Variants in RASGRF2 observed in about 807,000 individuals in gnomAD.
The protein encoded by RASGRF2 is Ras protein specific guanine nucleotide releasing factor 2.
RASGRF2 carries 76 observed loss-of-function variants against 151.0 expected under a neutral mutation model. The observed-to-expected ratio is 0.50, with a 90% CI of 0.42 to 0.61. RASGRF2 has a LOEUF of 0.61. RASGRF2 is among the 20% of genes least tolerant of loss of function. RASGRF2 has a pLI of 0.00. For synonymous variants in RASGRF2, 504 were observed against 566.5 expected (o/e 0.89, Z 1.57); for missense variants, 1,148 against 1,564.6 (o/e 0.73, Z 4.49).
chr5:81,039,819 G>T (rs945362179), intron 1 of RASGRF2, among the ~76,000 whole-genome samples: 12 of 151,920 alleles, frequency 7.9e-5, no homozygotes, highest in Non-Finnish European at 1.3e-4. Flanking sequence ...ATGTCTTTAT[G>T]CATTGCTTAC....
intron 12 of RASGRF2, among the ~76,000 whole-genome samples, chr5:81,104,476 CTCT>C (rs1311583885): frequency 6.6e-6 from 1 of 151,950 alleles, no homozygotes; most frequent in Admixed American, 6.6e-5. Flanking sequence ...AAATTCTTTA[CTCT>C]TCATTTTTCA....
chr5:81,076,858 T>C (rs1412022505), intron 5 of RASGRF2, among the ~76,000 whole-genome samples: 1 of 152,210 alleles, frequency 6.6e-6, no homozygotes, highest in East Asian at 1.9e-4. Flanking sequence ...AGGCTAGTGG[T>C]TGTGACTTTC....
chr5:80,982,021 C>T (rs1748317701), intron 1 of RASGRF2, among the ~76,000 whole-genome samples: 2 of 152,190 alleles, frequency 1.3e-5, no homozygotes, highest in Admixed American at 1.3e-4. Flanking sequence ...CAGTGGAGCA[C>T]TAGAGTGATA....
intron 1 of RASGRF2, among the ~76,000 whole-genome samples, chr5:81,032,513 A>G (rs1301723931): frequency 6.6e-6 from 1 of 152,216 alleles, no homozygotes; most frequent in Non-Finnish European, 1.5e-5. Flanking sequence ...AATAAACGTA[A>G]TCCAGCATAT....
chr5:81,197,093 A>C (rs1755281338), intron 18 of RASGRF2, among the ~76,000 whole-genome samples: 1 of 152,212 alleles, frequency 6.6e-6, no homozygotes, highest in Non-Finnish European at 1.5e-5. Flanking sequence ...TGAGATATTG[A>C]CATCTATGTT....
chr5:81,188,708 A>T (rs1430540918), intron 18 of RASGRF2, among the ~76,000 whole-genome samples: 3 of 152,168 alleles, frequency 2.0e-5, no homozygotes, highest in African/African-American at 7.2e-5. Flanking sequence ...GAGGGAGAGG[A>T]GGTCGATGTT....
chr5:81,137,205 G>A (rs1180617866), intron 17 of RASGRF2, among the ~76,000 whole-genome samples: 1 of 152,096 alleles, frequency 6.6e-6, no homozygotes, highest in East Asian at 1.9e-4. Flanking sequence ...ATGAGATATT[G>A]CACACTTTAT....
intron 2 of RASGRF2, among the ~76,000 whole-genome samples, chr5:81,060,637 A>G (rs1751401509): frequency 6.6e-6 from 1 of 152,172 alleles, no homozygotes; most frequent in Admixed American, 6.5e-5. Flanking sequence ...GTTCCCAAAT[A>G]TACAACACTC....
chr5:81,076,884 G>A (rs1751955292), intron 5 of RASGRF2, among the ~76,000 whole-genome samples: 2 of 152,260 alleles, frequency 1.3e-5, no homozygotes, highest in South Asian at 2.1e-4. Context: ...AGATCAGTCA[G>A]GATGGTTGCA....
At chr5:81,055,842 T>G (rs1751187574) in intron 2 of RASGRF2, among the ~76,000 whole-genome samples, 1 of 152,208 alleles carries the variant, frequency 6.6e-6, no homozygotes. Context: ...TTCCACTTCT[T>G]CCTGGTTTAG....
intron 17 of RASGRF2, among the ~76,000 whole-genome samples, chr5:81,131,907 T>C (rs1753631704): frequency 1.3e-5 from 2 of 152,204 alleles, no homozygotes; most frequent in South Asian, 4.1e-4. Flanking sequence ...TACCCAGGAT[T>C]GTAGTGTTGT....
intron 18 of RASGRF2, among the ~76,000 whole-genome samples, chr5:81,186,121 A>G (rs1297603506): frequency 6.6e-6 from 1 of 152,248 alleles, no homozygotes; most frequent in African/African-American, 2.4e-5. Flanking sequence ...TATGGTGAAC[A>G]AAGAGACACA....
At chr5:81,150,346 C>T (rs1754105338) in intron 17 of RASGRF2, among the ~76,000 whole-genome samples, 1 of 152,220 alleles carries the variant, frequency 6.6e-6, no homozygotes, top group South Asian at 2.1e-4. Context: ...ACCCAACTCA[C>T]AGGGCTCTCC....
intron 17 of RASGRF2, among the ~76,000 whole-genome samples, chr5:81,133,806 G>T (rs1753683287): frequency 6.6e-6 from 1 of 152,162 alleles, no homozygotes; most frequent in East Asian, 1.9e-4. Context: ...GATAAATAGT[G>T]AATCTTTTAC....
chr5:81,024,504 C>T (rs1337895812), intron 1 of RASGRF2, among the ~76,000 whole-genome samples: 2 of 152,018 alleles, frequency 1.3e-5, no homozygotes, highest in African/African-American at 4.8e-5. Context: ...AGGTGACCCA[C>T]CCACCTCAGC....
chr5:81,035,828 A>G (rs1198945504), intron 1 of RASGRF2, among the ~76,000 whole-genome samples: 2 of 152,222 alleles, frequency 1.3e-5, no homozygotes, highest in African/African-American at 2.4e-5. Context: ...AGTTACAGAA[A>G]GAGAGAATAG....
chr5:81,200,655 C>T (rs1465255222), intron 18 of RASGRF2, among the ~76,000 whole-genome samples: 1 of 152,208 alleles, frequency 6.6e-6, no homozygotes, highest in African/African-American at 2.4e-5. Flanking sequence ...ACTGATCTTA[C>T]TCATGGTCCA....
intron 1 of RASGRF2, among the ~76,000 whole-genome samples, chr5:81,028,864 G>A (rs1234073144): frequency 1.3e-5 from 2 of 152,136 alleles, no homozygotes; most frequent in African/African-American, 4.8e-5. Flanking sequence ...ACCTCACCCG[G>A]GAAGTGCAAG....
At chr5:81,201,118 GC>G (rs1395033963) in intron 18 of RASGRF2, among the ~76,000 whole-genome samples, 3 of 152,040 alleles carry the variant, frequency 2.0e-5, no homozygotes, top group Non-Finnish European at 2.9e-5. Context: ...CCCCTGGGGA[GC>G]CCCCAGGGGA....
Sources: allele counts gnomAD v4.1 joint callset (sites outside exome capture counted in the v4.1 genomes callset), GRCh38; gene constraint gnomAD v4.1.1; transcripts MANE v1.5; gene names NCBI Gene and HGNC (gene_info 2026-07-23, HGNC 2026-07-21).